The following ANKRD18A variants were observed in gnomAD, a reference collection of about 807,000 sequenced individuals.
ANKRD18A encodes the protein ankyrin repeat domain-containing protein 18A.
Under a neutral mutation model 110.6 loss-of-function variants are expected in ANKRD18A, and 72 were observed. The ratio of observed to expected loss-of-function variants is 0.65; its 90% CI spans 0.54 to 0.79. The LOEUF (loss-of-function observed/expected upper bound fraction) is 0.79. ANKRD18A is among the 30% of genes least tolerant of loss of function. ANKRD18A has a pLI of 0.00. For missense variants in ANKRD18A, 934 were observed against 1,163.3 expected (o/e 0.80, Z 2.87); for synonymous variants, 305 against 410.3 (o/e 0.74, Z 3.10).
At chr9:38,600,294 G>A (rs945301149) in intron 8 of ANKRD18A, among the ~76,000 whole-genome samples, 1 of 152,128 alleles carries the variant, frequency 6.6e-6, no homozygotes, top group Non-Finnish European at 1.5e-5. Flanking sequence ...ACCCTAAATA[G>A]TGAACCCCTA....
At chr9:38,577,014 A>C in intron 14 of ANKRD18A, 39 bp downstream of exon 14, 3 of 1,517,740 alleles carry the variant, frequency 2.0e-6, no homozygotes, top group South Asian at 1.3e-5. Context: ...CAAATTAATG[A>C]GCTGAATTCA....
intron 1 of ANKRD18A, among the ~76,000 whole-genome samples, chr9:38,617,665 A>C (rs1563980717): frequency 6.6e-6 from 1 of 152,182 alleles, no homozygotes. Flanking sequence ...CTTTTGCTTG[A>C]AAGGTGGGAG....
chr9:38,589,931 C>T (rs3124038), intron 10 of ANKRD18A, among the ~76,000 whole-genome samples: 1 of 152,094 alleles, frequency 6.6e-6, no homozygotes, highest in Non-Finnish European at 1.5e-5. Flanking sequence ...TTTACTGAGG[C>T]CTCTTCCCTC....
chr9:38,608,119 A>C (rs1235134423), intron 5 of ANKRD18A, among the ~76,000 whole-genome samples: 3 of 152,194 alleles, frequency 2.0e-5, no homozygotes, highest in East Asian at 1.9e-4. Context: ...TAGCTAGTTC[A>C]TAACTTGTAA....
chr9:38,618,206 T>C (rs1825936978), intron 1 of ANKRD18A, among the ~76,000 whole-genome samples: 1 of 152,208 alleles, frequency 6.6e-6, no homozygotes, highest in Admixed American at 6.5e-5. Context: ...AAATTTTTAC[T>C]AGAAATTTTA....
intron 12 of ANKRD18A, 35 bp downstream of exon 12, chr9:38,586,148 G>C: frequency 6.5e-7 from 1 of 1,542,986 alleles, no homozygotes; most frequent in East Asian, 2.4e-5. Flanking sequence ...ATGTAATCTA[G>C]ACCTTAAGAT....
At chr9:38,597,407 G>A (rs534987791) in intron 8 of ANKRD18A, among the ~76,000 whole-genome samples, 91 of 152,152 alleles carry the variant, frequency 6.0e-4, no homozygotes, top group Non-Finnish European at 1.2e-3. Context: ...GTGGAATCCT[G>A]GAAAATGAGA....
intron 8 of ANKRD18A, among the ~76,000 whole-genome samples, chr9:38,599,446 A>T (rs1825028538): frequency 6.6e-6 from 1 of 151,848 alleles, no homozygotes; most frequent in African/African-American, 2.4e-5. Context: ...ACCAATCTTC[A>T]GTTGAACTTT....
chr9:38,601,531 T>C lies in ANKRD18A; in HGVS notation c.863-327A>G, dbSNP rs557104513. On this transcript the variant is annotated intron_variant, in intron 7 of 15. Transcript: ENST00000399703. The stretch of plus-strand genomic sequence containing the variant: ...AAAAACATATAAAGTAACACTTTAC[T>C]ATTCTCTGCTTCATAATAGTATCTT... Among the ~76,000 whole-genome samples, 11 of 152,284 alleles carry C rather than the reference T, an allele frequency of 7.2e-5. No homozygotes were observed. In the South Asian group the frequency reaches 2.3e-3, roughly 32 times the overall value.
At chr9:38,592,562 A>G (rs571476262) in intron 10 of ANKRD18A, among the ~76,000 whole-genome samples, 16 of 152,326 alleles carry the variant, frequency 1.1e-4, no homozygotes, top group East Asian at 9.6e-4. Context: ...TATCTGCCCA[A>G]TTAACTCTGA....
intron 15 of ANKRD18A, among the ~76,000 whole-genome samples, chr9:38,573,933 C>A (rs552406073): frequency 6.6e-6 from 1 of 151,174 alleles, no homozygotes; most frequent in African/African-American, 2.4e-5. Context: ...TAAATTAAAG[C>A]GGTACCTGTG....
Position 38,595,844 on chromosome 9 carries a change from T to A in ANKRD18A, c.1496A>T (p.Glu499Val). 1 of 1,551,284 alleles carries A rather than the reference T, an allele frequency of 6.4e-7. No homozygotes were observed. The highest frequency in any genetic ancestry group is 2.4e-5 in the East Asian group (1 of 40,918). ...TACACTTCCTAAAGCCAATGTCTTT[T>A]CCCTGAGAGCATCTCTTGTCTCACG... ...KLRETRDALR[E>V]KTLALGSVQL... The change falls in exon 9 of 16, where the codon GAA (glutamate) becomes GTA (valine). Residue 499 changes from glutamate (E) to valine (V), a missense_variant. Physicochemically the swap from Glu to Val is moderately radical, Grantham distance 121. Coordinates refer to ENST00000399703, the MANE Select transcript of ANKRD18A (RefSeq NM_147195.4).
chr9:38,573,545 T>C (rs1367677512), intron 15 of ANKRD18A, among the ~76,000 whole-genome samples: 1 of 152,020 alleles, frequency 6.6e-6, no homozygotes, highest in African/African-American at 2.4e-5. Flanking sequence ...TGAAACCCTA[T>C]CTCTACTAAA....
intron 8 of ANKRD18A, among the ~76,000 whole-genome samples, chr9:38,597,496 A>G (rs1824937762): frequency 6.6e-6 from 1 of 152,138 alleles, no homozygotes; most frequent in South Asian, 2.1e-4. Context: ...CTCTAGCCCC[A>G]TATCTACTTG....
chr9:38,597,265 T>C (rs1219442852), intron 8 of ANKRD18A, among the ~76,000 whole-genome samples: 3 of 152,180 alleles, frequency 2.0e-5, no homozygotes, highest in African/African-American at 7.2e-5. Flanking sequence ...GATATTCTTT[T>C]CCCCACTGCC....
At chr9:38,585,198 T>C (rs1459739521) in intron 12 of ANKRD18A, among the ~76,000 whole-genome samples, 1 of 152,130 alleles carries the variant, frequency 6.6e-6, no homozygotes, top group African/African-American at 2.4e-5. Context: ...ACCCTCTATT[T>C]TCTCTGAGGG....
intron 6 of ANKRD18A, among the ~76,000 whole-genome samples, chr9:38,606,974 AAAG>A (rs1352559130): frequency 6.6e-6 from 1 of 152,056 alleles, no homozygotes; most frequent in Non-Finnish European, 1.5e-5. Context: ...ATTCTAAACT[AAAG>A]AAATTAAATT....
Position 38,587,078 on chromosome 9 carries a change from C to T in ANKRD18A, c.2118-766G>A, listed in dbSNP as rs1824417958. ...GAAAAAAAAGTACACCCAAAAAGCA[C>T]AAGGACATTATTCAATGTAGAAAAA... is the stretch of plus-strand genomic sequence containing the variant. On this transcript the variant is annotated intron_variant, in intron 11 of 15. Coordinates refer to ENST00000399703, the MANE Select transcript of ANKRD18A (RefSeq NM_147195.4). Among the ~76,000 whole-genome samples the T allele has an allele frequency of 2.0e-5, 3 of 151,944 alleles. No homozygotes were observed. The South Asian group carries it at 6.2e-4, about 32-fold the overall frequency.
At chr9:38,600,909 C>T (rs1825093721) in intron 8 of ANKRD18A, among the ~76,000 whole-genome samples, 1 of 152,128 alleles carries the variant, frequency 6.6e-6, no homozygotes, top group African/African-American at 2.4e-5. Flanking sequence ...AAATTTCTGG[C>T]CTCAATTCCA....
Sources: allele counts gnomAD v4.1 joint callset (sites outside exome capture counted in the v4.1 genomes callset), GRCh38; gene constraint gnomAD v4.1.1; transcripts MANE v1.5; gene names NCBI Gene and HGNC (gene_info 2026-07-23, HGNC 2026-07-21).